The following UACA variants were observed in gnomAD, a reference collection of about 807,000 sequenced individuals.
UACA encodes the protein uveal autoantigen with coiled-coil domains and ankyrin repeats.
Under a neutral mutation model 160.5 loss-of-function variants are expected in UACA, and 112 were observed. The observed-to-expected ratio is 0.70, with a 90% CI of 0.60 to 0.82. UACA has a LOEUF of 0.82. Among genes scored for constraint, UACA ranks in the 40% least tolerant of loss-of-function variants. UACA has a pLI of 0.00. For missense variants in UACA, 1,574 were observed against 1,614.6 expected (o/e 0.97, Z 0.43); for synonymous variants, 557 against 568.4 (o/e 0.98, Z 0.29).
At position 70,656,790 on chromosome 15, in the gene UACA, G is replaced by C; in HGVS notation, c.*266C>G. ...ATGGCTCATGTTTTATTAGGGACTT[G>C]AAGGTTTAAAAATATGTAGTCAATC... On this transcript the variant is annotated 3_prime_UTR_variant, in exon 19 of 19. Transcript: ENST00000322954. 3.2e-6 allele frequency: 1 copy of C among 313,594 alleles called. No individual in the cohort carries two copies. Among genetic ancestry groups the C allele is most frequent in the East Asian group, 5.5e-5 (1 of 18,334 alleles). The allele number at this position is 313,594 out of a possible 1,614,324, so 19.4% of individuals were successfully genotyped here.
chr15:70,704,227 T>C (rs1794637909), intron 1 of UACA, among the ~76,000 whole-genome samples: 1 of 152,202 alleles, frequency 6.6e-6, no homozygotes, highest in South Asian at 2.1e-4. Context: ...TGAATCCTCT[T>C]TCCTCTTGGA....
At chr15:70,689,583 G>A (rs1897852852) in intron 5 of UACA, among the ~76,000 whole-genome samples, 1 of 151,944 alleles carries the variant, frequency 6.6e-6, no homozygotes, top group African/African-American at 2.4e-5. Flanking sequence ...AAATTTTGAA[G>A]GAAATTTGAA....
intron 1 of UACA, among the ~76,000 whole-genome samples, chr15:70,749,710 A>AAG (rs1281365202): frequency 6.6e-6 from 1 of 151,426 alleles, no homozygotes; most frequent in East Asian, 1.9e-4. Flanking sequence ...AAAAAAAAAA[A>AAG]AAAAAAAAAA....
chr15:70,725,583 C>T (rs1595911904), intron 1 of UACA, among the ~76,000 whole-genome samples: 1 of 152,352 alleles, frequency 6.6e-6, no homozygotes, highest in African/African-American at 2.4e-5. Context: ...TTCACAGTGT[C>T]CTTCTAACCT....
intron 5 of UACA, among the ~76,000 whole-genome samples, chr15:70,689,644 T>C (rs1897855284): frequency 6.6e-6 from 1 of 152,150 alleles, no homozygotes; most frequent in South Asian, 2.1e-4. Context: ...ATATATTCCA[T>C]ATACATGAAA....
chr15:70,729,572 T>C (rs1426834283), intron 1 of UACA, among the ~76,000 whole-genome samples: 2 of 105,780 alleles, frequency 1.9e-5, no homozygotes, highest in Non-Finnish European at 3.6e-5. Flanking sequence ...TGCTGCTTCC[T>C]CTACCCCTGT....
Position 70,699,659 on chromosome 15 carries a change from T to C in UACA, c.80A>G (p.His27Arg). 2 of 1,609,678 alleles carry C rather than the reference T, an allele frequency of 1.2e-6. No homozygotes were observed. Among genetic ancestry groups the C allele is most frequent in the Non-Finnish European group, 1.7e-6 (2 of 1,178,872 alleles). Reference sequence around the variant, plus strand: ...ATCATATTTATTCCAATCTGCTGCATGCTACAAAAAGGAAAAAAAAAAGTA... The same window carrying C: ...ATCATATTTATTCCAATCTGCTGCACGCTACAAAAAGGAAAAAAAAAAGTA... ...ASSGAAAASAHAADWNKYDDR... is the reference protein window; with the variant it reads ...ASSGAAAASARAADWNKYDDR... Residue 27 changes from histidine to arginine, a missense_variant and splice_region_variant, in exon 2 of 19, where the codon CAT becomes CGT. His to Arg is a conservative substitution (Grantham distance 29). Coordinates refer to ENST00000322954, the MANE Select transcript of UACA (RefSeq NM_018003.4).
At chr15:70,700,619 T>C (rs984603263) in intron 1 of UACA, among the ~76,000 whole-genome samples, 8 of 152,044 alleles carry the variant, frequency 5.3e-5, no homozygotes, top group African/African-American at 1.9e-4. Flanking sequence ...TTTAATCGTA[T>C]CAAGGTTACC....
chr15:70,715,767 A>G (rs1263115577), intron 1 of UACA, among the ~76,000 whole-genome samples: 1 of 152,212 alleles, frequency 6.6e-6, no homozygotes, highest in Non-Finnish European at 1.5e-5. Flanking sequence ...TAATAATGAG[A>G]AAGAATGTTT....
chr15:70,707,387 T>C (rs1200115739), intron 1 of UACA, among the ~76,000 whole-genome samples: 8 of 152,128 alleles, frequency 5.3e-5, no homozygotes, highest in Non-Finnish European at 1.2e-4. Flanking sequence ...TTCCTGGATG[T>C]GACACCAAAA....
At chr15:70,710,631 A>G (rs1898656751) in intron 1 of UACA, among the ~76,000 whole-genome samples, 1 of 152,208 alleles carries the variant, frequency 6.6e-6, no homozygotes, top group Admixed American at 6.5e-5. Context: ...CAGGGTTCCC[A>G]TGACCCATGA....
chr15:70,661,763 C>T (rs1896713728), intron 17 of UACA: 1 of 152,112 alleles, frequency 6.6e-6, no homozygotes, highest in South Asian at 2.1e-4. Context: ...CCATTGGAGA[C>T]AAGCCTAAGC....
chr15:70,729,712 G>A (rs1899259527), intron 1 of UACA, among the ~76,000 whole-genome samples: 1 of 142,944 alleles, frequency 7.0e-6, no homozygotes, highest in Non-Finnish European at 1.5e-5. Flanking sequence ...CCCAGCGTGA[G>A]CGACGCAGAA....
At position 70,664,806 on chromosome 15, in the gene UACA, T is replaced by C; in HGVS notation, c.3969A>G (p.Glu1323=). The change falls in exon 17 of 19, where the codon GAA becomes GAG. Residue 1323 remains glutamate (E), a synonymous_variant. Transcript: ENST00000322954. ...TTAATCTTTCCACATCATTAAGCAG[T>C]TCAGTTATCTTTAAAAAAATGTTGT... ...QIEAKDNKIT[E]LLNDVERLKQ... 1 of 1,609,456 alleles carries C rather than the reference T, an allele frequency of 6.2e-7. No homozygotes were observed. Among genetic ancestry groups the C allele is most frequent in the East Asian group, 2.2e-5 (1 of 44,790 alleles).
rs754891956 is a variant in UACA at position 70,669,018 on chromosome 15, C to T, written c.1666G>A (p.Ala556Thr). Residue 556 changes from alanine (A) to threonine (T), a missense_variant, in exon 16 of 19, where the codon GCT becomes ACT. Physicochemically the swap from Ala to Thr is moderately conservative, Grantham distance 58. Coordinates refer to ENST00000322954, the MANE Select transcript of UACA (RefSeq NM_018003.4). ...LKDLKVKYEG[A>T]SAEVGKLRNQ... Reference sequence around the variant, plus strand: ...CTTAATTTCCCCACTTCTGCTGAAGCACCTTCATATTTTACTTTCAAGTCT... The same window carrying T: ...CTTAATTTCCCCACTTCTGCTGAAGTACCTTCATATTTTACTTTCAAGTCT... 14 of 1,613,780 alleles carry T rather than the reference C, an allele frequency of 8.7e-6. No individual in the cohort carries two copies. The highest frequency in any genetic ancestry group is 2.5e-6 in the Non-Finnish European group (3 of 1,180,008).
intron 1 of UACA, among the ~76,000 whole-genome samples, chr15:70,723,596 A>G (rs1347085130): frequency 6.6e-6 from 1 of 151,020 alleles, no homozygotes; most frequent in Non-Finnish European, 1.5e-5. Context: ...GTGCTTCTTA[A>G]TCCTAACTCA....
chr15:70,754,639 GC>G (rs1437237696), intron 1 of UACA, among the ~76,000 whole-genome samples: 1 of 152,170 alleles, frequency 6.6e-6, no homozygotes, highest in African/African-American at 2.4e-5. Context: ...TGGTCACTCA[GC>G]TACATCAGTT....
intron 17 of UACA, among the ~76,000 whole-genome samples, chr15:70,663,626 C>A (rs763835672): frequency 6.6e-6 from 1 of 151,978 alleles, no homozygotes; most frequent in Non-Finnish European, 1.5e-5. Context: ...ACCCAAATGT[C>A]CAACAATGAT....
intron 9 of UACA, among the ~76,000 whole-genome samples, chr15:70,682,353 A>T (rs1897540221): frequency 6.6e-6 from 1 of 152,194 alleles, no homozygotes; most frequent in African/African-American, 2.4e-5. Context: ...TTCATTTCTT[A>T]ATTACACTGG....
Sources: allele counts gnomAD v4.1 joint callset (sites outside exome capture counted in the v4.1 genomes callset), GRCh38; gene constraint gnomAD v4.1.1; transcripts MANE v1.5; gene names NCBI Gene and HGNC (gene_info 2026-07-23, HGNC 2026-07-21).